Variants in MIS18BP1 observed in about 807,000 individuals in gnomAD.
MIS18BP1 encodes mis18-binding protein 1.
A neutral mutation model predicts 116.1 loss-of-function variants in MIS18BP1; 72 were observed. That is an observed-to-expected ratio of 0.62 (90% confidence interval 0.51 to 0.75). The LOEUF (loss-of-function observed/expected upper bound fraction) is 0.75. Ranked by LOEUF, MIS18BP1 falls within the 30% of genes least tolerant of loss-of-function variation. The pLI is 0.00. For synonymous variants in MIS18BP1, 386 were observed against 427.0 expected, an observed-to-expected ratio of 0.90 and a Z score of 1.18; for missense variants, 1,363 against 1,303.2, an observed-to-expected ratio of 1.05 and a Z score of -0.71.
At position 45,224,518 on chromosome 14, in the gene MIS18BP1, C is replaced by G. The variant is rs762614769; in HGVS notation, c.2069G>C (p.Ser690Thr). The change falls in exon 11 of 17, where the codon AGT becomes ACT. Residue 690 changes from serine (S) to threonine (T), a missense_variant. Ser to Thr is a moderately conservative substitution (Grantham distance 58). Coordinates refer to ENST00000310806, the MANE Select transcript of MIS18BP1 (RefSeq NM_018353.5). ...DFVIPECQKK[S>T]PISKSMGTLE... ...AGTCCCCATGGACTTGCTGATGGGA[C>G]TTTTTTTTTGACACTCTGGTATTAC... 6.2e-7 allele frequency: 1 copy of G among 1,600,962 alleles called. No individual in the cohort carries two copies. Among genetic ancestry groups the G allele is most frequent in the Admixed American group, 1.7e-5 (1 of 58,674 alleles).
chr14:45,232,443 A>T (rs1009469393), intron 7 of MIS18BP1: 5 of 242,884 alleles, frequency 2.1e-5, no homozygotes, highest in African/African-American at 1.2e-4. Context: ...AAAAAACAAC[A>T]ACAAAAAAAC....
Position 45,217,550 on chromosome 14 carries a change from T to C in MIS18BP1, c.2843-371A>G, listed in dbSNP as rs572721683. ...GGATTTGTGCAATATGATTAGCCCATAGGATACTCATGAAGAGGCTAAGAT... is the reference window on the plus strand; with the variant it reads ...GGATTTGTGCAATATGATTAGCCCACAGGATACTCATGAAGAGGCTAAGAT... On this transcript the variant is annotated intron_variant, in intron 12 of 16. Coordinates refer to ENST00000310806, the MANE Select transcript of MIS18BP1 (RefSeq NM_018353.5). Among the ~76,000 whole-genome samples, 5 of 152,260 alleles carry C rather than the reference T, an allele frequency of 3.3e-5. No homozygotes were observed. The South Asian group carries it at 6.2e-4, about 19-fold the overall frequency.
rs1363343178 is a variant in MIS18BP1 at position 45,224,168 on chromosome 14, T to C, written c.2419A>G (p.Thr807Ala). The change falls in exon 11 of 17, where the codon ACA becomes GCA. Residue 807 changes from threonine (T) to alanine (A), a missense_variant. Physicochemically the swap from Thr to Ala is moderately conservative, Grantham distance 58. Coordinates refer to ENST00000310806, the MANE Select transcript of MIS18BP1 (RefSeq NM_018353.5). ...ACTGGAATATTACTTGTGTTTCTTG[T>C]GCTCTTTCTCAGGTGAACCACTGCT... ...KEAVVHLRKSTRNTSNIPVIL... is the reference protein window; with the variant it reads ...KEAVVHLRKSARNTSNIPVIL... 6 of 1,614,042 alleles carry C rather than the reference T, an allele frequency of 3.7e-6. No individual in the cohort carries two copies. Among genetic ancestry groups the C allele is most frequent in the Non-Finnish European group, 5.1e-6 (6 of 1,179,996 alleles).
At chr14:45,237,836 T>C in intron 4 of MIS18BP1, 115 bp from the exon 5 acceptor site, 1 of 1,348,508 alleles carries the variant, frequency 7.4e-7, no homozygotes, top group Non-Finnish European at 9.8e-7. Flanking sequence ...TATTCCTTAG[T>C]GTCATCGATG....
At chr14:45,206,303 T>C in intron 14 of MIS18BP1, 133 bp from the exon 15 acceptor site, 3 of 648,552 alleles carry the variant, frequency 4.6e-6, no homozygotes, top group Non-Finnish European at 8.0e-6. Flanking sequence ...ATTTCTTTTT[T>C]TGAAACAGGG....
intron 2 of MIS18BP1, 47 bp downstream of exon 2, chr14:45,246,696 T>C (rs777803167): frequency 6.7e-7 from 1 of 1,497,524 alleles, no homozygotes. Context: ...TCTGAAACAT[T>C]AAACACTTAA....
At chr14:45,211,639 G>A (rs1186967909) in intron 13 of MIS18BP1, among the ~76,000 whole-genome samples, 1 of 152,258 alleles carries the variant, frequency 6.6e-6, no homozygotes, top group African/African-American at 2.4e-5. Context: ...GCAAGTAGTT[G>A]GACCCCTATT....
Position 45,227,711 on chromosome 14 carries a change from T to C in MIS18BP1, c.1698A>G (p.Gln566=), listed in dbSNP as rs1238725642. 2 of 1,613,936 alleles carry C rather than the reference T, an allele frequency of 1.2e-6. No homozygotes were observed. Among genetic ancestry groups the C allele is most frequent in the Admixed American group, 1.7e-5 (1 of 60,034 alleles). ...NKPTLRFPDD[Q]VNNTIQNGGG... Reference sequence around the variant, plus strand: ...CTCCATTTTGAATAGTATTATTTACTTGGTCATCTGGGAACCTTAATGTTG... The same window carrying C: ...CTCCATTTTGAATAGTATTATTTACCTGGTCATCTGGGAACCTTAATGTTG... Residue 566 remains glutamine, a synonymous_variant, in exon 9 of 17, where the codon CAA becomes CAG. Coordinates refer to ENST00000310806, the MANE Select transcript of MIS18BP1 (RefSeq NM_018353.5).
chr14:45,247,316 C>A lies in MIS18BP1; in HGVS notation c.-30G>T. Reference sequence around the variant, plus strand: ...ACAAGAAAGTAGCAACCAAGTTCTTCTAACAGAAAATTCACTTAAGCGCAA... The same window carrying A: ...ACAAGAAAGTAGCAACCAAGTTCTTATAACAGAAAATTCACTTAAGCGCAA... On this transcript the variant is annotated 5_prime_UTR_variant, in exon 2 of 17. Transcript: ENST00000310806. 3 of 1,509,416 alleles carry A rather than the reference C, an allele frequency of 2.0e-6. No homozygotes were observed. Among genetic ancestry groups the A allele is most frequent in the Non-Finnish European group, 2.6e-6 (3 of 1,136,274 alleles). 93.5% of individuals were successfully genotyped at this position (1,509,416 alleles called of 1,614,324 possible).
At chr14:45,214,528 C>T (rs762722108) in intron 13 of MIS18BP1, among the ~76,000 whole-genome samples, 15 of 152,210 alleles carry the variant, frequency 9.9e-5, no homozygotes, top group African/African-American at 3.4e-4. Flanking sequence ...AGACCAGGGG[C>T]GCCGCCCGGG....
chr14:45,229,747 A>C (rs1236473721), intron 8 of MIS18BP1, among the ~76,000 whole-genome samples: 1 of 152,202 alleles, frequency 6.6e-6, no homozygotes, highest in East Asian at 1.9e-4. Flanking sequence ...AAAGTGAGAT[A>C]TACTGTCAAG....
In MIS18BP1 at chr14:45,218,618, A is replaced by G. The variant is rs575611937; in HGVS notation, c.2670-164T>C. Among the ~76,000 whole-genome samples, 8 of 151,980 alleles carry G rather than the reference A, an allele frequency of 5.3e-5. No homozygotes were observed. The South Asian group carries it at 1.7e-3, about 32-fold the overall frequency. On this transcript the variant is annotated intron_variant, in intron 11 of 16. Transcript: ENST00000310806. ...AGAAAGATATTATTCCTTCCCCTCA[A>G]TAACTTAACTCTAGTGCTTAAAATA...
chr14:45,238,113 GAGT>G (rs1891476233), intron 4 of MIS18BP1, among the ~76,000 whole-genome samples: 1 of 135,780 alleles, frequency 7.4e-6, no homozygotes, highest in South Asian at 2.3e-4. Context: ...AAAAAATTAA[GAGT>G]TTTTTTTTTT....
chr14:45,221,566 C>T (rs1482078967), intron 11 of MIS18BP1, among the ~76,000 whole-genome samples: 1 of 152,104 alleles, frequency 6.6e-6, no homozygotes, highest in Non-Finnish European at 1.5e-5. Context: ...TGGAAATTTT[C>T]CTATCTTTAT....
In MIS18BP1 at chr14:45,215,453, T is replaced by C. The variant is rs111837304; in HGVS notation, c.3003+1566A>G. Among the ~76,000 whole-genome samples, 1,119 of 152,244 alleles carry C rather than the reference T, an allele frequency of 7.4e-3. 22 individuals carry two copies. The highest frequency in any genetic ancestry group is 0.026 in the African/African-American group (1,061 of 41,544). On this transcript the variant is annotated intron_variant, in intron 13 of 16. Coordinates refer to ENST00000310806, the MANE Select transcript of MIS18BP1 (RefSeq NM_018353.5). ...ATAATTTTTTTTTCTCTTTTTGAGA[T>C]GGAGTCTTGCTGTCGCCAGGCTGGA...
intron 14 of MIS18BP1, 153 bp downstream of exon 14, chr14:45,210,227 C>A: frequency 1.4e-6 from 1 of 723,378 alleles, no homozygotes; most frequent in Non-Finnish European, 2.2e-6. Context: ...ATTTGATGAA[C>A]TTGTCCATCC....
chr14:45,247,260 T>C lies in MIS18BP1; in HGVS notation c.27A>G (p.Ser9=). ...ATGCCTCTGGAGGTAAGTAAATTCTTGAATGTTTCAAAGGTGTTGCAATCA... is the reference window on the plus strand; with the variant it reads ...ATGCCTCTGGAGGTAAGTAAATTCTCGAATGTTTCAAAGGTGTTGCAATCA... MIATPLKH[S]RIYLPPEASS... is the part of the protein sequence containing the mutation. Residue 9 remains serine (S), a synonymous_variant, in exon 2 of 17, where the codon TCA becomes TCG. Transcript: ENST00000310806. The C allele has an allele frequency of 6.3e-7, 1 of 1,586,318 alleles. No individual in the cohort carries two copies.
chr14:45,231,929 G>C (rs1165828943), intron 7 of MIS18BP1, among the ~76,000 whole-genome samples: 1 of 151,034 alleles, frequency 6.6e-6, no homozygotes, highest in Admixed American at 6.6e-5. Context: ...CTGAGAAAAT[G>C]AATGAAAAAA....
At chr14:45,237,279 A>T (rs1016126539) in intron 5 of MIS18BP1, among the ~76,000 whole-genome samples, 6 of 152,182 alleles carry the variant, frequency 3.9e-5, no homozygotes, top group African/African-American at 1.4e-4. Flanking sequence ...TGGATCAGTA[A>T]TTTATATCTG....
Sources: allele counts gnomAD v4.1 joint callset (sites outside exome capture counted in the v4.1 genomes callset), GRCh38; gene constraint gnomAD v4.1.1; transcripts MANE v1.5; gene names NCBI Gene and HGNC (gene_info 2026-07-23, HGNC 2026-07-21).